RALGAPA1: variants seen among roughly 807,000 people sequenced by gnomAD.
RALGAPA1 encodes ral GTPase-activating protein subunit alpha-1.
Under a neutral mutation model 269.6 loss-of-function variants are expected in RALGAPA1, and 52 were observed. The observed-to-expected ratio is 0.19, with a 90% CI of 0.15 to 0.24. RALGAPA1 has a LOEUF of 0.24. RALGAPA1 is among the 10% of genes least tolerant of loss of function. RALGAPA1 has a pLI of 1.00. For synonymous variants in RALGAPA1, 817 were observed against 1,008.3 expected (o/e 0.81, Z 3.60); for missense variants, 1,917 against 3,013.9 (o/e 0.64, Z 8.52).
intron 39 of RALGAPA1, among the ~76,000 whole-genome samples, chr14:35,555,669 G>A (rs902171055): frequency 5.9e-5 from 9 of 152,188 alleles, no homozygotes; most frequent in African/African-American, 2.2e-4. Context: ...ATTACTTCCA[G>A]GAAGCTTGGT....
intron 35 of RALGAPA1, among the ~76,000 whole-genome samples, chr14:35,606,329 C>T (rs1323990141): frequency 6.6e-6 from 1 of 152,166 alleles, no homozygotes; most frequent in Non-Finnish European, 1.5e-5. Flanking sequence ...CCTATTGTTG[C>T]TAAGCTACAA....
At chr14:35,563,777 A>C (rs148926399) in intron 39 of RALGAPA1, among the ~76,000 whole-genome samples, 1 of 152,306 alleles carries the variant, frequency 6.6e-6, no homozygotes, top group East Asian at 1.9e-4. Flanking sequence ...TGGAACACTT[A>C]CACTAGCCTG....
intron 1 of RALGAPA1, among the ~76,000 whole-genome samples, chr14:35,777,697 G>C (rs1158849503): frequency 6.6e-6 from 1 of 151,954 alleles, no homozygotes; most frequent in African/African-American, 2.4e-5. Context: ...CGAGTAGCTG[G>C]GATTACAGGT....
At chr14:35,667,259 G>T (rs556599980) in intron 26 of RALGAPA1, among the ~76,000 whole-genome samples, 86 of 152,074 alleles carry the variant, frequency 5.7e-4, no homozygotes, top group Non-Finnish European at 7.4e-4. Flanking sequence ...AATTAACTGG[G>T]CATGGTGGCG....
intron 36 of RALGAPA1, among the ~76,000 whole-genome samples, chr14:35,598,480 C>T (rs1022431875): frequency 7.2e-5 from 11 of 151,892 alleles, no homozygotes; most frequent in African/African-American, 1.7e-4. Context: ...AGTGCAGTGG[C>T]GTGATCTTGG....
rs59517617 is a variant in RALGAPA1 at position 35,709,628 on chromosome 14, C to T, written c.2267-9326G>A. On this transcript the variant is annotated intron_variant, in intron 16 of 41. Transcript: ENST00000680220. ...CTTTGGATTTTTTTTCTCTAGTTTC[C>T]TATGGTGGAAGCTTAGATTACTGGT... Among the ~76,000 whole-genome samples the T allele has an allele frequency of 3.4e-3, 519 of 151,476 alleles. 3 individuals are homozygous for T. Among genetic ancestry groups the T allele is most frequent in the African/African-American group, 0.012 (481 of 41,320 alleles).
chr14:35,726,319 T>C (rs1432644344), intron 13 of RALGAPA1, among the ~76,000 whole-genome samples: 1 of 152,222 alleles, frequency 6.6e-6, no homozygotes, highest in African/African-American at 2.4e-5. Context: ...TTTGTAACCT[T>C]ATGCTTCTAG....
At chr14:35,750,355 A>G in intron 9 of RALGAPA1, 127 bp downstream of exon 9, 4 of 512,136 alleles carry the variant, frequency 7.8e-6, no homozygotes, top group Non-Finnish European at 1.3e-5. Flanking sequence ...CATTTACAAA[A>G]TATATTTATA....
At chr14:35,798,972 G>C (rs928535661) in intron 1 of RALGAPA1, among the ~76,000 whole-genome samples, 4 of 150,818 alleles carry the variant, frequency 2.7e-5, no homozygotes, top group African/African-American at 9.8e-5. Flanking sequence ...CTCCAGCCTG[G>C]GCAACACAGC....
chr14:35,552,720 A>C (rs1393931040), intron 39 of RALGAPA1, among the ~76,000 whole-genome samples: 26 of 65,234 alleles, frequency 4.0e-4, no homozygotes, highest in Non-Finnish European at 5.4e-4. Flanking sequence ...CTAGCCAATC[A>C]AAAAAAAAAA....
At chr14:35,616,029 G>C (rs1008194367) in intron 35 of RALGAPA1, among the ~76,000 whole-genome samples, 1 of 152,028 alleles carries the variant, frequency 6.6e-6, no homozygotes, top group Non-Finnish European at 1.5e-5. Flanking sequence ...GAAGTGATAA[G>C]GACATGAATC....
chr14:35,565,184 A>AT (rs2056590648), intron 39 of RALGAPA1, among the ~76,000 whole-genome samples: 1 of 151,840 alleles, frequency 6.6e-6, no homozygotes, highest in South Asian at 2.1e-4. Flanking sequence ...TGATTTATGT[A>AT]TTTTCTCAAA....
In RALGAPA1 at chr14:35,552,224, C is replaced by T. The variant is rs184295711; in HGVS notation, c.7497-2990G>A. Reference sequence around the variant, plus strand: ...ACATGTATTAAGGAAATATAATAAACTCTAAGCACTTAGACCACAGTTCTG... The same window carrying T: ...ACATGTATTAAGGAAATATAATAAATTCTAAGCACTTAGACCACAGTTCTG... On this transcript the variant is annotated intron_variant, in intron 39 of 41. Coordinates refer to ENST00000680220, the MANE Select transcript of RALGAPA1 (RefSeq NM_001346249.2). 2.0e-5 allele frequency among the ~76,000 whole-genome samples: 3 copies of T among 151,344 alleles called. No homozygotes were observed. In the East Asian group the frequency reaches 5.9e-4, roughly 30 times the overall value.
chr14:35,595,730 T>C lies in RALGAPA1; in HGVS notation c.7113A>G (p.Gly2371=), dbSNP rs2058891426. 6.2e-7 allele frequency: 1 copy of C among 1,612,536 alleles called. No homozygotes were observed. Among genetic ancestry groups the C allele is most frequent in the Admixed American group, 1.7e-5 (1 of 59,952 alleles). ...AGGTAGCAAAATATGGAGTGGTCAA[T>C]CCAGTGCTTTTGTTTTTTTGTAGTC... is the stretch of plus-strand genomic sequence containing the variant. The part of the protein sequence containing the change: ...MGGLQKNKST[G]LTTPYFATST... The change falls in exon 37 of 42, where the codon GGA becomes GGG. Residue 2371 remains glycine (G), a synonymous_variant. Coordinates refer to ENST00000680220, the MANE Select transcript of RALGAPA1 (RefSeq NM_001346249.2).
intron 35 of RALGAPA1, among the ~76,000 whole-genome samples, chr14:35,617,283 A>G (rs2060311337): frequency 6.6e-6 from 1 of 152,132 alleles, no homozygotes; most frequent in Non-Finnish European, 1.5e-5. Context: ...GGAGTTACAG[A>G]TCAGTCTGGC....
intron 10 of RALGAPA1, among the ~76,000 whole-genome samples, chr14:35,743,720 C>T (rs1380342517): frequency 6.6e-6 from 1 of 151,888 alleles, no homozygotes; most frequent in East Asian, 1.9e-4. Context: ...AATTTGCCTC[C>T]AGAAACTAAT....
intron 36 of RALGAPA1, among the ~76,000 whole-genome samples, chr14:35,597,969 G>A (rs2059026021): frequency 6.6e-6 from 1 of 152,072 alleles, no homozygotes; most frequent in Non-Finnish European, 1.5e-5. Context: ...ATGTTCTGTG[G>A]GAACTTGAAA....
At chr14:35,747,001 A>G (rs1277048534) in intron 10 of RALGAPA1, among the ~76,000 whole-genome samples, 1 of 151,948 alleles carries the variant, frequency 6.6e-6, no homozygotes, top group African/African-American at 2.4e-5. Flanking sequence ...AAAAGAAAAA[A>G]AGAAAGAGAG....
At chr14:35,650,796 G>A (rs1366639112) in intron 31 of RALGAPA1, among the ~76,000 whole-genome samples, 3 of 152,130 alleles carry the variant, frequency 2.0e-5, no homozygotes, top group African/African-American at 7.2e-5. Context: ...GGGAAGAGAT[G>A]AGAATAATTC....
Sources: allele counts gnomAD v4.1 joint callset (sites outside exome capture counted in the v4.1 genomes callset), GRCh38; gene constraint gnomAD v4.1.1; transcripts MANE v1.5; gene names NCBI Gene and HGNC (gene_info 2026-07-23, HGNC 2026-07-21).